The following ACAD11 variants were observed in gnomAD, a reference collection of about 807,000 sequenced individuals.
ACAD11 encodes acyl-Coenzyme A dehydrogenase family, member 11.
ACAD11 carries 83 observed loss-of-function variants against 102.2 expected under a neutral mutation model. That is an observed-to-expected ratio of 0.81 (90% CI 0.68 to 0.97). ACAD11 has a LOEUF of 0.97. ACAD11 is among the 50% of genes least tolerant of loss of function. ACAD11 has a pLI of 0.00. For missense variants in ACAD11, 901 were observed against 951.7 expected (o/e 0.95, Z 0.70); for synonymous variants, 324 against 319.8 (o/e 1.01, Z -0.14).
chr3:132,644,792 T>C lies in ACAD11; in HGVS notation c.249+5A>G, dbSNP rs753064959. 6.3e-7 allele frequency: 1 copy of C among 1,584,202 alleles called. No homozygotes were observed. Among genetic ancestry groups the C allele is most frequent in the Non-Finnish European group, 8.6e-7 (1 of 1,158,538 alleles). On this transcript the variant is annotated splice_donor_5th_base_variant and intron_variant, in intron 2 of 19. Coordinates refer to ENST00000264990, the MANE Select transcript of ACAD11 (RefSeq NM_032169.5). Reference sequence around the variant, plus strand: ...AGAATTTATCATTACATTTGTATACTATACCTGATGTGCTTTAGGAAGAAG... The same window carrying C: ...AGAATTTATCATTACATTTGTATACCATACCTGATGTGCTTTAGGAAGAAG...
intron 2 of ACAD11, 59 bp from the exon 3 acceptor site, chr3:132,642,861 T>C: frequency 2.6e-6 from 4 of 1,518,418 alleles, no homozygotes. Flanking sequence ...TAATTAAATT[T>C]AATAACTACT....
chr3:132,631,415 G>A lies in ACAD11; in HGVS notation c.767C>T (p.Ala256Val). The A allele has an allele frequency of 1.3e-6, 2 of 1,570,772 alleles. No individual in the cohort carries two copies. The highest frequency in any genetic ancestry group is 1.7e-6 in the Non-Finnish European group (2 of 1,156,054). The change falls in exon 6 of 20, where the codon GCT becomes GTT. Residue 256 changes from alanine to valine, a missense_variant. Coordinates refer to ENST00000264990, the MANE Select transcript of ACAD11 (RefSeq NM_032169.5). The stretch of plus-strand genomic sequence containing the variant: ...CCAAAAGTAGAACAGGGAAAAATGA[G>A]CTAAGTCTGACAAAGGATGACCAAT... The part of the protein sequence containing the change: ...STIGHPLSDL[A>V]HFSLFYFWPR...
At chr3:132,631,687 CA>C (rs1171835654) in intron 5 of ACAD11, among the ~76,000 whole-genome samples, 2 of 152,350 alleles carry the variant, frequency 1.3e-5, no homozygotes, top group African/African-American at 4.8e-5. Context: ...CGCTGGCCAT[CA>C]GTCCTTCTCA....
At chr3:132,573,242 C>T (rs1459714440) in intron 17 of ACAD11, among the ~76,000 whole-genome samples, 12 of 152,210 alleles carry the variant, frequency 7.9e-5, no homozygotes, top group Non-Finnish European at 1.5e-4. Flanking sequence ...ATTAGAGTTT[C>T]CCTAAAGCGG....
chr3:132,611,424 A>C (rs548865435), intron 11 of ACAD11, among the ~76,000 whole-genome samples: 1 of 152,254 alleles, frequency 6.6e-6, no homozygotes, highest in South Asian at 2.1e-4. Flanking sequence ...GGAAAAGAGG[A>C]AGTCAAATTG....
At chr3:132,599,181 C>T (rs1400510757) in intron 13 of ACAD11, among the ~76,000 whole-genome samples, 1 of 151,782 alleles carries the variant, frequency 6.6e-6, no homozygotes, top group Non-Finnish European at 1.5e-5. Flanking sequence ...AGACTCATAA[C>T]CTGGTCAATA....
Position 132,561,596 on chromosome 3 carries a change from G to A in ACAD11, c.2002-379C>T, listed in dbSNP as rs190952769. 1.5e-3 allele frequency among the ~76,000 whole-genome samples: 224 copies of A among 152,322 alleles called. 5 individuals carry two copies. Among genetic ancestry groups the A allele is most frequent in the Non-Finnish European group, 1.9e-4 (13 of 68,036 alleles). On this transcript the variant is annotated intron_variant, in intron 17 of 19. Coordinates refer to ENST00000264990, the MANE Select transcript of ACAD11 (RefSeq NM_032169.5). ...TCATGGAAACTTGGCTAAATGTATG[G>A]TAGTGAAGCTGCTTACAGGTAAACT...
At chr3:132,613,322 C>T (rs1381782390) in intron 11 of ACAD11, among the ~76,000 whole-genome samples, 1 of 151,852 alleles carries the variant, frequency 6.6e-6, no homozygotes, top group Non-Finnish European at 1.5e-5. Flanking sequence ...CACATGTATA[C>T]ATATGTAATA....
At chr3:132,578,969 T>A in intron 14 of ACAD11, 88 bp from the exon 15 acceptor site, 2 of 1,573,614 alleles carry the variant, frequency 1.3e-6, no homozygotes, top group Non-Finnish European at 1.7e-6. Flanking sequence ...GTCTTTTTGA[T>A]GTTTTCATGT....
chr3:132,583,896 T>C (rs1937676115), intron 13 of ACAD11, among the ~76,000 whole-genome samples: 1 of 152,258 alleles, frequency 6.6e-6, no homozygotes, highest in African/African-American at 2.4e-5. Context: ...CTAGCTTGAT[T>C]GCACTGTGGT....
intron 4 of ACAD11, among the ~76,000 whole-genome samples, chr3:132,640,941 T>C (rs1032734166): frequency 1.6e-4 from 24 of 152,270 alleles, no homozygotes; most frequent in African/African-American, 5.8e-4. Context: ...TCACTCCAAA[T>C]TTTATCTTTC....
At chr3:132,566,159 A>T (rs1388267161) in intron 17 of ACAD11, among the ~76,000 whole-genome samples, 20 of 152,236 alleles carry the variant, frequency 1.3e-4, no homozygotes, top group Non-Finnish European at 7.4e-5. Flanking sequence ...TTATAAGTAA[A>T]AAATATAACA....
At chr3:132,647,091 T>C (rs1485618339) in intron 1 of ACAD11, 1 of 152,198 alleles carries the variant, frequency 6.6e-6, no homozygotes, top group Non-Finnish European at 1.5e-5. Flanking sequence ...TTACGTTACA[T>C]GAATTTCTCA....
At chr3:132,633,416 G>A (rs985967502) in intron 5 of ACAD11, among the ~76,000 whole-genome samples, 8 of 152,184 alleles carry the variant, frequency 5.3e-5, no homozygotes, top group African/African-American at 1.9e-4. Context: ...GCATCCCAGG[G>A]ATGAAGCCCA....
intron 13 of ACAD11, among the ~76,000 whole-genome samples, chr3:132,603,005 G>T (rs1938681953): frequency 6.6e-6 from 1 of 152,064 alleles, no homozygotes; most frequent in Non-Finnish European, 1.5e-5. Context: ...GCTTCACCAT[G>T]TTGGCCAGGT....
intron 15 of ACAD11, chr3:132,578,452 A>C (rs1937553162): frequency 6.6e-6 from 1 of 152,330 alleles, no homozygotes; most frequent in African/African-American, 2.4e-5. Flanking sequence ...GATAAAAATA[A>C]TTTTATTGTG....
chr3:132,575,949 G>A (rs760135280), intron 16 of ACAD11, 23 bp from the exon 17 acceptor site: 2 of 1,612,256 alleles, frequency 1.2e-6, no homozygotes, highest in Non-Finnish European at 8.5e-7. Flanking sequence ...GGGAAAAAAA[G>A]GGGGAATGTG....
intron 9 of ACAD11, among the ~76,000 whole-genome samples, chr3:132,625,142 A>G (rs970189421): frequency 6.6e-6 from 1 of 152,062 alleles, no homozygotes; most frequent in Non-Finnish European, 1.5e-5. Context: ...TTTGCTTTCT[A>G]TATAAGCCAA....
intron 18 of ACAD11, 131 bp from the exon 19 acceptor site, chr3:132,560,073 A>G (rs1388700313): frequency 1.5e-6 from 1 of 666,044 alleles, no homozygotes. Flanking sequence ...ACAAAAGCCA[A>G]CAAAGAGATC....
Sources: allele counts gnomAD v4.1 joint callset (sites outside exome capture counted in the v4.1 genomes callset), GRCh38; gene constraint gnomAD v4.1.1; transcripts MANE v1.5; gene names NCBI Gene and HGNC (gene_info 2026-07-23, HGNC 2026-07-21).